The following DNAH10 variants were observed in gnomAD, a reference collection of about 807,000 sequenced individuals.
The protein encoded by DNAH10 is axonemal beta dynein heavy chain 10.
Under a neutral mutation model 506.6 loss-of-function variants are expected in DNAH10, and 348 were observed. That is an observed-to-expected ratio of 0.69 (90% CI 0.63 to 0.75). DNAH10 has a LOEUF of 0.75. Among genes scored for constraint, DNAH10 ranks in the 30% least tolerant of loss-of-function variants. The pLI, the probability that DNAH10 is intolerant of heterozygous loss-of-function variation, is 0.00. For missense variants in DNAH10, 5,179 were observed against 5,787.1 expected (o/e 0.89, Z 3.41); for synonymous variants, 2,059 against 2,198.6 (o/e 0.94, Z 1.78).
At chr12:123,805,926 A>G (rs144036481) in intron 18 of DNAH10, among the ~76,000 whole-genome samples, 10,784 of 151,788 alleles carry the variant, frequency 0.071, 613 homozygotes, top group African/African-American at 0.16. Flanking sequence ...ACAGGCGCCC[A>G]CCACTACGCC....
At position 123,762,564 on chromosome 12, in the gene DNAH10, C is replaced by G. The variant is rs1221523909; in HGVS notation, c.214+14C>G. 1 of 1,544,168 alleles carries G rather than the reference C, an allele frequency of 6.5e-7. No individual in the cohort carries two copies. Among genetic ancestry groups the G allele is most frequent in the Admixed American group, 1.9e-5 (1 of 51,482 alleles). ...AGGTGGAGATTGGTGAGCCTCGACGCGCCGCTCCCTTCCCCGGGCTTCCCT... is the reference window on the plus strand; with the variant it reads ...AGGTGGAGATTGGTGAGCCTCGACGGGCCGCTCCCTTCCCCGGGCTTCCCT... On this transcript the variant is annotated intron_variant, in intron 1 of 78. Coordinates refer to ENST00000673944, the MANE Select transcript of DNAH10 (RefSeq NM_001372106.1). The surrounding 1 kb of genome is among the most constrained non-coding windows in gnomAD (Gnocchi z 5.0).
rs78795748 is a variant in DNAH10 at position 123,814,860 on chromosome 12, A to G, written c.3780+948A>G. Reference sequence around the variant, plus strand: ...TCTCGATCTCCTGACCTTGTGATCCACCCACCTTGGCCTCCCAAAGTGCTG... The same window carrying G: ...TCTCGATCTCCTGACCTTGTGATCCGCCCACCTTGGCCTCCCAAAGTGCTG... On this transcript the variant is annotated intron_variant, in intron 21 of 78. Coordinates refer to ENST00000673944, the MANE Select transcript of DNAH10 (RefSeq NM_001372106.1). Among the ~76,000 whole-genome samples, 305 of 151,986 alleles carry G rather than the reference A, an allele frequency of 2.0e-3. 8 individuals carry two copies. In the East Asian group the frequency reaches 0.051, roughly 25 times the overall value.
intron 56 of DNAH10, among the ~76,000 whole-genome samples, chr12:123,899,114 A>T (rs983350907): frequency 2.0e-5 from 3 of 152,120 alleles, no homozygotes; most frequent in African/African-American, 7.2e-5. Flanking sequence ...TCGACCCTCT[A>T]TGGGCTGGTG....
chr12:123,845,936 C>T lies in DNAH10; in HGVS notation c.5631-35C>T, dbSNP rs113586158. 3.3e-4 allele frequency: 528 copies of T among 1,613,110 alleles called. 1 individual carries two copies. The highest frequency in any genetic ancestry group is 4.1e-4 in the Non-Finnish European group (487 of 1,179,260). On this transcript the variant is annotated intron_variant, in intron 31 of 78. Coordinates refer to ENST00000673944, the MANE Select transcript of DNAH10 (RefSeq NM_001372106.1). ...TTTGTGGTCCGCTGATCTGTCTCAACGGTTTCCACTTCCTCCACCTTTCTT... is the reference window on the plus strand; with the variant it reads ...TTTGTGGTCCGCTGATCTGTCTCAATGGTTTCCACTTCCTCCACCTTTCTT...
Position 123,823,952 on chromosome 12 carries a change from G to T in DNAH10, c.4180-2735G>T, listed in dbSNP as rs892564579. On this transcript the variant is annotated intron_variant, in intron 24 of 78. Transcript: ENST00000673944. ...CTACTCTGGTCTGTGGATGTTAAGG[G>T]ACATTTCATCACCTAGAGTGACTTC... Among the ~76,000 whole-genome samples, 3 of 152,102 alleles carry T rather than the reference G, an allele frequency of 2.0e-5. No homozygotes were observed. The East Asian group carries it at 5.8e-4, about 29-fold the overall frequency.
intron 19 of DNAH10, among the ~76,000 whole-genome samples, chr12:123,812,747 C>T (rs1007652996): frequency 2.6e-5 from 4 of 152,138 alleles, no homozygotes; most frequent in African/African-American, 9.7e-5. Flanking sequence ...TGGGCTCACT[C>T]GTGTCTAGCA....
rs1954019323 is a variant in DNAH10, at chr12:123,910,575, A to C, written c.10037A>C (p.Glu3346Ala). Reference sequence around the variant, plus strand: ...CTTAATACCACAACTGAAGAAATGGAAGCTGTCAGCAAAGCCGGGCTGGGG... The same window carrying C: ...CTTAATACCACAACTGAAGAAATGGCAGCTGTCAGCAAAGCCGGGCTGGGG... ...KTLNTTTEEM[E>A]AVSKAGLGML... The change falls in exon 59 of 79, where the codon GAA becomes GCA. Residue 3346 changes from glutamate to alanine, a missense_variant. This residue lies in a region of DNAH10 where 4,844 missense variants were observed against 5,430.5 expected (regional missense o/e 0.89). Coordinates refer to ENST00000673944, the MANE Select transcript of DNAH10 (RefSeq NM_001372106.1). The C allele has an allele frequency of 1.9e-6, 3 of 1,613,800 alleles. No homozygotes were observed. The Admixed American group carries it at 5.0e-5, about 27-fold the overall frequency.
chr12:123,800,747 G>A (rs1235142182), intron 15 of DNAH10, among the ~76,000 whole-genome samples: 1 of 151,896 alleles, frequency 6.6e-6, no homozygotes, highest in East Asian at 1.9e-4. Flanking sequence ...GGTTGGGTGT[G>A]GTGGCTCACG....
intron 13 of DNAH10, among the ~76,000 whole-genome samples, chr12:123,797,280 T>A (rs912445730): frequency 2.6e-5 from 4 of 152,250 alleles, no homozygotes; most frequent in Non-Finnish European, 4.4e-5. Flanking sequence ...AGTGGCCCAT[T>A]TGAGAAGCAG....
chr12:123,768,363 G>A (rs1426370880), intron 2 of DNAH10, among the ~76,000 whole-genome samples: 3 of 151,930 alleles, frequency 2.0e-5, no homozygotes, highest in Admixed American at 6.6e-5. Flanking sequence ...TTGAACTCCC[G>A]TCCTCAGGTG....
chr12:123,874,606 CCCAT>C (rs111763952), intron 46 of DNAH10, among the ~76,000 whole-genome samples: 10 of 148,178 alleles, frequency 6.7e-5, no homozygotes, highest in African/African-American at 1.5e-4. Flanking sequence ...CATCCATCTA[CCCAT>C]CCATCCATCC....
chr12:123,808,850 C>T lies in DNAH10; in HGVS notation c.3041C>T (p.Thr1014Ile). The T allele has an allele frequency of 6.2e-7, 1 of 1,614,170 alleles. No individual in the cohort carries two copies. The highest frequency in any genetic ancestry group is 1.1e-5 in the South Asian group (1 of 91,082). The change falls in exon 19 of 79, where the codon ACT becomes ATT. Residue 1014 changes from threonine (T) to isoleucine (I), a missense_variant. Physicochemically the swap from Thr to Ile is moderately conservative, Grantham distance 89. Coordinates refer to ENST00000673944, the MANE Select transcript of DNAH10 (RefSeq NM_001372106.1). ...LILGNVPLFH[T>I]ETILTAPEII... The stretch of plus-strand genomic sequence containing the variant: ...CTTGGAAATGTCCCTCTGTTCCACA[C>T]TGAAACCATTCTGACGGCACCTGAG...
intron 3 of DNAH10, among the ~76,000 whole-genome samples, chr12:123,772,097 G>A (rs184813607): frequency 7.9e-4 from 121 of 152,264 alleles, no homozygotes; most frequent in Non-Finnish European, 1.0e-3. Flanking sequence ...GCTCACCTGA[G>A]CCTTGCTGTC....
chr12:123,762,513 C>T lies in DNAH10; in HGVS notation c.177C>T (p.Tyr59=). The T allele has an allele frequency of 6.5e-7, 1 of 1,547,632 alleles. No homozygotes were observed. Residue 59 remains tyrosine, a synonymous_variant, in exon 1 of 79, where the codon TAC becomes TAT. Coordinates refer to ENST00000673944, the MANE Select transcript of DNAH10 (RefSeq NM_001372106.1). The surrounding 1 kb of genome is among the most constrained non-coding windows in gnomAD (Gnocchi z 5.0). ...EEEGPSALFI[Y]RTMVPEEVEV... is the part of the protein sequence containing the mutation. Reference sequence around the variant, plus strand: ...AGGGGCCCTCGGCGCTCTTCATCTACCGCACTATGGTGCCGGAGGAGGTGG... The same window carrying T: ...AGGGGCCCTCGGCGCTCTTCATCTATCGCACTATGGTGCCGGAGGAGGTGG...
In DNAH10 at chr12:123,858,178, TA is replaced by T. The variant is rs576287559; in HGVS notation, c.6630+940del. 4.0e-5 allele frequency among the ~76,000 whole-genome samples: 6 copies of T among 151,540 alleles called. 1 individual carries two copies. The highest frequency in any genetic ancestry group is 5.9e-5 in the Non-Finnish European group (4 of 67,872). On this transcript the variant is annotated intron_variant, in intron 37 of 78. Transcript: ENST00000673944. ...CCTTTTTTTTCTCCTGAGTCACACT[TA>T]AAAAAAAATTAAATTAGATATTGCA... is the stretch of plus-strand genomic sequence containing the variant.
intron 11 of DNAH10, 98 bp downstream of exon 11, chr12:123,790,219 T>TC: frequency 7.9e-7 from 1 of 1,262,570 alleles, no homozygotes; most frequent in East Asian, 2.3e-5. Context: ...GTCTTTTTTT[T>TC]TAAATCACAA....
At chr12:123,852,121 C>T (rs1208426873) in intron 35 of DNAH10, among the ~76,000 whole-genome samples, 2 of 152,186 alleles carry the variant, frequency 1.3e-5, no homozygotes, top group Non-Finnish European at 2.9e-5. Flanking sequence ...ACTCCTGCAA[C>T]CCCTGATCTA....
In DNAH10 at chr12:123,902,817, G is replaced by A. The variant is rs946539354; in HGVS notation, c.9641-122G>A. On this transcript the variant is annotated intron_variant, in intron 56 of 78. Transcript: ENST00000673944. The surrounding 1 kb of genome is among the most constrained non-coding windows in gnomAD (Gnocchi z 4.5). Reference sequence around the variant, plus strand: ...CACTGAGGCTGCCACATTGGCCAGAGCCCCTTAGATCCCCGCTAGGGCTCA... The same window carrying A: ...CACTGAGGCTGCCACATTGGCCAGAACCCCTTAGATCCCCGCTAGGGCTCA... 1.6e-5 allele frequency: 21 copies of A among 1,275,566 alleles called. No homozygotes were observed. Among genetic ancestry groups the A allele is most frequent in the Non-Finnish European group, 2.0e-5 (19 of 946,962 alleles). 79.0% of individuals were successfully genotyped at this position (1,275,566 alleles called of 1,614,324 possible). A position where few individuals can be genotyped will look rare whatever the true frequency, so the allele number is the denominator to read the frequency against.
Position 123,819,020 on chromosome 12 carries a change from T to A in DNAH10, c.3851T>A (p.Val1284Glu), listed in dbSNP as rs753903164. 30 of 1,607,256 alleles carry A rather than the reference T, an allele frequency of 1.9e-5. No individual in the cohort carries two copies. The highest frequency in any genetic ancestry group is 2.5e-5 in the Non-Finnish European group (30 of 1,176,752). ...TGGTCCAATCTGTTTAATGATTCAG[T>A]GAATGTGGAGCATGCTCTTGGGGAC... ...SIWSNLFNDSVNVEHALGDIK... is the reference protein window; with the variant it reads ...SIWSNLFNDSENVEHALGDIK... Residue 1284 changes from valine (V) to glutamate (E), a missense_variant, in exon 22 of 79, where the codon GTG becomes GAG. Physicochemically the swap from Val to Glu is moderately radical, Grantham distance 121. This residue lies in a region of DNAH10 where 4,844 missense variants were observed against 5,430.5 expected (regional missense o/e 0.89). Transcript: ENST00000673944.
Sources: allele counts gnomAD v4.1 joint callset (sites outside exome capture counted in the v4.1 genomes callset), GRCh38; gene constraint gnomAD v4.1.1; regional missense constraint gnomAD v4.1.1; non-coding constraint Gnocchi (gnomAD v3.1); transcripts MANE v1.5; gene names NCBI Gene and HGNC (gene_info 2026-07-23, HGNC 2026-07-21).